The following SPIB variants were observed in gnomAD, a reference collection of about 807,000 sequenced individuals.
The protein encoded by SPIB is Spi-B transcription factor.
In SPIB, 7 loss-of-function variants were observed where a neutral mutation model predicts 31.9. That is an observed-to-expected ratio of 0.22 (90% CI 0.12 to 0.41). The LOEUF is 0.41. Ranked by LOEUF, SPIB falls within the 10% of genes least tolerant of loss-of-function variation. SPIB has a pLI of 1.00. For missense variants in SPIB, 327 were observed against 360.2 expected, an observed-to-expected ratio of 0.91 and a Z score of 0.75; for synonymous variants, 176 against 158.9, an observed-to-expected ratio of 1.11 and a Z score of -0.81.
At position 50,419,940 on chromosome 19, in the gene SPIB, C is replaced by G. The variant is rs536784207; in HGVS notation, c.24-6C>G. ...TCAGCATGCCCCTGTGTCTCTCCCC[C>G]TCCAGGCTCGACGGGCCACACTTCA... On this transcript the variant is annotated splice_polypyrimidine_tract_variant and splice_region_variant and intron_variant, in intron 1 of 5. Transcript: ENST00000595883. The G allele has an allele frequency of 9.8e-6, 15 of 1,536,724 alleles. No homozygotes were observed. In the South Asian group the frequency reaches 1.0e-4, roughly 10 times the overall value.
Position 50,421,224 on chromosome 19 carries a change from G to A in SPIB, c.52-1249G>A, listed in dbSNP as rs1296945539. On this transcript the variant is annotated intron_variant, in intron 2 of 5. Coordinates refer to ENST00000595883, the MANE Select transcript of SPIB (RefSeq NM_003121.5). ...AAATGCCAAGGAGTGAGACTGCCAGGTCCTAGGCATGGTGTGGATCTAGCT... is the reference window on the plus strand; with the variant it reads ...AAATGCCAAGGAGTGAGACTGCCAGATCCTAGGCATGGTGTGGATCTAGCT... Among the ~76,000 whole-genome samples, 2 of 152,154 alleles carry A rather than the reference G, an allele frequency of 1.3e-5. 1 individual carries two copies. Among genetic ancestry groups the A allele is most frequent in the South Asian group, 4.1e-4 (2 of 4,828 alleles).
At chr19:50,423,070 C>T in intron 4 of SPIB, 33 bp downstream of exon 4, 1 of 1,097,840 alleles carries the variant, frequency 9.1e-7, no homozygotes, top group Non-Finnish European at 1.3e-6. Context: ...AAATCAAGCC[C>T]AAACCAGGTG....
At chr19:50,427,906 C>T in intron 5 of SPIB, 132 bp from the exon 6 acceptor site, 1 of 730,806 alleles carries the variant, frequency 1.4e-6, no homozygotes, top group South Asian at 2.0e-5. Context: ...GTGTATGTAA[C>T]AGCCACTTCC....
chr19:50,427,601 A>G (rs1220295587), intron 5 of SPIB, among the ~76,000 whole-genome samples: 1 of 152,198 alleles, frequency 6.6e-6, no homozygotes, highest in Non-Finnish European at 1.5e-5. Context: ...CTTTGGGCTG[A>G]GAGGCTGGGA....
intron 5 of SPIB, among the ~76,000 whole-genome samples, chr19:50,426,082 G>T (rs934680570): frequency 3.3e-5 from 5 of 152,128 alleles, no homozygotes; most frequent in Non-Finnish European, 5.9e-5. Context: ...GGTGGTGCAC[G>T]CCTGTAATCC....
At chr19:50,424,751 A>G (rs1411247177) in intron 5 of SPIB, among the ~76,000 whole-genome samples, 2 of 152,034 alleles carry the variant, frequency 1.3e-5, no homozygotes, top group East Asian at 2.0e-4. Context: ...ACTGCAGTCC[A>G]GCCTGGCGAC....
At chr19:50,423,082 G>A (rs1369437433) in intron 4 of SPIB, 45 bp downstream of exon 4, 1 of 952,832 alleles carries the variant, frequency 1.0e-6, no homozygotes, top group Non-Finnish European at 1.6e-6. Flanking sequence ...AACCAGGTGT[G>A]GTGGTGCACG....
intron 2 of SPIB, among the ~76,000 whole-genome samples, chr19:50,421,268 G>A (rs191828293): frequency 1.3e-5 from 2 of 151,528 alleles, no homozygotes; most frequent in Admixed American, 6.6e-5. Flanking sequence ...TCCTAGACTC[G>A]AGTTCTTGAA....
chr19:50,428,756 G>C lies in SPIB; in HGVS notation c.*420G>C. The C allele has an allele frequency of 5.6e-6, 1 of 179,434 alleles. No homozygotes were observed. The highest frequency in any genetic ancestry group is 1.2e-5 in the Non-Finnish European group (1 of 86,774). 11.1% of individuals were successfully genotyped at this position (179,434 alleles called of 1,614,324 possible). On this transcript the variant is annotated 3_prime_UTR_variant, in exon 6 of 6. Transcript: ENST00000595883. This position sits in a 1 kb window ranked among gnomAD's most constrained non-coding sequence, Gnocchi z 6.5. ...TAAACCCTGAATCTCATCTGGGGTG[G>C]GGGCCCTGCTGGCAACCCTGAGCCC...
At chr19:50,422,417 G>T (rs548894890) in intron 2 of SPIB, 56 bp from the exon 3 acceptor site, 10 of 1,552,442 alleles carry the variant, frequency 6.4e-6, no homozygotes, top group African/African-American at 4.1e-5. Flanking sequence ...CAGGGTGGGG[G>T]TTGGGAGTCC....
chr19:50,426,966 C>CA (rs1171596198), intron 5 of SPIB, among the ~76,000 whole-genome samples: 1 of 150,188 alleles, frequency 6.7e-6, no homozygotes, highest in Non-Finnish European at 1.5e-5. Flanking sequence ...ACCATCTCTA[C>CA]AAAAAATAAA....
At chr19:50,422,375 C>A in intron 2 of SPIB, 98 bp from the exon 3 acceptor site, 1 of 978,406 alleles carries the variant, frequency 1.0e-6, no homozygotes, top group South Asian at 1.5e-5. Context: ...CCTCTTCTCT[C>A]CCATGTCTGT....
Position 50,423,019 on chromosome 19 carries a change from G to C in SPIB, c.321G>C (p.Thr107=). Residue 107 remains threonine, a synonymous_variant, in exon 4 of 6, where the codon ACG becomes ACC. Coordinates refer to ENST00000595883, the MANE Select transcript of SPIB (RefSeq NM_003121.5). ...APGPGLPAYP[T]ENFASQTLVP... is the part of the protein sequence containing the mutation. Reference sequence around the variant, plus strand: ...GGCCTGGCCTCCCTGCATACCCCACGGAGAACTTCGCTAGCCAGGTGAGTG... The same window carrying C: ...GGCCTGGCCTCCCTGCATACCCCACCGAGAACTTCGCTAGCCAGGTGAGTG... The C allele has an allele frequency of 6.7e-7, 1 of 1,485,132 alleles. No individual in the cohort carries two copies. Among genetic ancestry groups the C allele is most frequent in the Non-Finnish European group, 9.1e-7 (1 of 1,103,642 alleles). The allele number at this position is 1,485,132 out of a possible 1,614,324, so 92.0% of individuals were successfully genotyped here. A position where few individuals can be genotyped will look rare whatever the true frequency, so the allele number is the denominator to read the frequency against.
In SPIB at chr19:50,422,887, G is replaced by A. The variant is rs765824495; in HGVS notation, c.189G>A (p.Pro63=). 1.6e-5 allele frequency: 26 copies of A among 1,610,318 alleles called. No individual in the cohort carries two copies. In the Admixed American group the frequency reaches 3.3e-4, roughly 21 times the overall value. The part of the protein sequence containing the change: ...VPATPYEAFD[P]AAAAFSHPQA... ...CCACCCCCTATGAAGCCTTCGACCC[G>A]GCAGCAGCCGCTTTTAGCCACCCCC... The change falls in exon 4 of 6, where the codon CCG becomes CCA. Residue 63 remains proline, a synonymous_variant. Coordinates refer to ENST00000595883, the MANE Select transcript of SPIB (RefSeq NM_003121.5).
In SPIB at chr19:50,428,181, T is replaced by C; in HGVS notation, c.634T>C (p.Trp212Arg). The C allele has an allele frequency of 6.3e-7, 1 of 1,590,710 alleles. No individual in the cohort carries two copies. The highest frequency in any genetic ancestry group is 8.6e-7 in the Non-Finnish European group (1 of 1,168,690). ...SKHKELLARR[W>R]GQQKGNRKRM... ...GCACAAGGAACTCCTGGCGCGCCGCTGGGGCCAGCAGAAGGGGAACCGCAA... is the reference window on the plus strand; with the variant it reads ...GCACAAGGAACTCCTGGCGCGCCGCCGGGGCCAGCAGAAGGGGAACCGCAA... Residue 212 changes from tryptophan (W) to arginine (R), a missense_variant, in exon 6 of 6, where the codon TGG becomes CGG. Coordinates refer to ENST00000595883, the MANE Select transcript of SPIB (RefSeq NM_003121.5). The surrounding 1 kb of genome is among the most constrained non-coding windows in gnomAD (Gnocchi z 6.5).
rs116190027 is a variant in SPIB at position 50,426,820 on chromosome 19, C to T, written c.491-1218C>T. Among the ~76,000 whole-genome samples, 788 of 152,052 alleles carry T rather than the reference C, an allele frequency of 5.2e-3. 3 individuals carry two copies. The highest frequency in any genetic ancestry group is 0.017 in the African/African-American group (713 of 41,506). On this transcript the variant is annotated intron_variant, in intron 5 of 5. Transcript: ENST00000595883. Reference sequence around the variant, plus strand: ...TCCAACTTATACTTTCGATGAATGCCGAGGCAGCCTAAAATTATAAGAATT... The same window carrying T: ...TCCAACTTATACTTTCGATGAATGCTGAGGCAGCCTAAAATTATAAGAATT...
chr19:50,423,276 C>T (rs1042353989), intron 4 of SPIB: 20 of 477,338 alleles, frequency 4.2e-5, no homozygotes, highest in African/African-American at 7.9e-5. Context: ...TGCTGGGTGC[C>T]GGGCACTGCA....
At chr19:50,427,583 C>A (rs1482714751) in intron 5 of SPIB, among the ~76,000 whole-genome samples, 1 of 152,214 alleles carries the variant, frequency 6.6e-6, no homozygotes, top group Admixed American at 6.5e-5. Flanking sequence ...TCCCGGGACC[C>A]TGTCCCGCTT....
Position 50,423,627 on chromosome 19 carries a change from C to A in SPIB, c.362C>A (p.Ala121Asp). The A allele has an allele frequency of 6.2e-7, 1 of 1,613,940 alleles. No individual in the cohort carries two copies. ...ASQTLVPPAY[A>D]PYPSPVLSEE... ...CAGACCCTGGTTCCCCCGGCATATG[C>A]CCCGTACCCCAGCCCTGTGCTATCA... Residue 121 changes from alanine to aspartate, a missense_variant, in exon 5 of 6, where the codon GCC becomes GAC. Physicochemically the swap from Ala to Asp is moderately radical, Grantham distance 126. This residue lies in a region of SPIB where 238 missense variants were observed against 228.8 expected (regional missense o/e 1.04). Coordinates refer to ENST00000595883, the MANE Select transcript of SPIB (RefSeq NM_003121.5).
Sources: gnomAD v4.1 joint callset for allele counts (sites outside exome capture counted in the v4.1 genomes callset) on GRCh38, gnomAD v4.1.1 for gene constraint, gnomAD v4.1.1 regional missense constraint, Gnocchi (gnomAD v3.1) non-coding constraint, MANE v1.5 for transcripts, NCBI Gene and HGNC (gene_info 2026-07-23, HGNC 2026-07-21) for gene names.